ANKUB1: variants seen among roughly 807,000 people sequenced by gnomAD.
ANKUB1 encodes ankyrin repeat and ubiquitin domain containing 1.
A neutral mutation model predicts 49.3 loss-of-function variants in ANKUB1; 42 were observed. The observed-to-expected ratio is 0.85, with a 90% CI of 0.67 to 1.10. ANKUB1 has a LOEUF of 1.10. Ranked by LOEUF, ANKUB1 falls within the 50% of genes least tolerant of loss-of-function variation. The probability of loss-of-function intolerance (pLI) is 0.00; values close to 1 mark genes in which losing one functional copy is unlikely to be tolerated. For missense variants in ANKUB1, 613 were observed against 642.0 expected (o/e 0.95, Z 0.49); for synonymous variants, 222 against 231.0 (o/e 0.96, Z 0.35).
At chr3:149,763,533 G>A (rs1716862569) in intron 5 of ANKUB1, among the ~76,000 whole-genome samples, 1 of 152,152 alleles carries the variant, frequency 6.6e-6, no homozygotes, top group Non-Finnish European at 1.5e-5. Flanking sequence ...CAAGAGCCCA[G>A]CAAAGCTCAT....
chr3:149,783,424 C>T (rs1277354947), intron 2 of ANKUB1: 1 of 152,134 alleles, frequency 6.6e-6, no homozygotes. Context: ...AACAAACCAA[C>T]CCAAGAGATA....
rs1480208432 is a variant in ANKUB1 at position 149,792,377 on chromosome 3, C to T, written c.-11G>A. On this transcript the variant is annotated 5_prime_UTR_variant, in exon 1 of 6. Transcript: ENST00000446160. ...GATGAAAATCCTCATTGTACAATTA[C>T]CTTTTCAAACAAAAAATATCCAACT... 7 of 1,457,798 alleles carry T rather than the reference C, an allele frequency of 4.8e-6. No individual in the cohort carries two copies. In the South Asian group the frequency reaches 5.6e-5, roughly 12 times the overall value. The allele number at this position is 1,457,798 out of a possible 1,614,324, so 90.3% of individuals were successfully genotyped here.
intron 5 of ANKUB1, among the ~76,000 whole-genome samples, chr3:149,765,823 T>C (rs886950832): frequency 6.6e-6 from 1 of 152,218 alleles, no homozygotes; most frequent in Non-Finnish European, 1.5e-5. Flanking sequence ...GTCAGAGATA[T>C]CTCACAAATT....
chr3:149,788,442 A>G (rs551974818), intron 2 of ANKUB1, among the ~76,000 whole-genome samples: 1 of 150,984 alleles, frequency 6.6e-6, no homozygotes, highest in Admixed American at 6.6e-5. Flanking sequence ...GGTTCAATTG[A>G]TCCTCCCGCC....
chr3:149,771,853 C>T (rs1717378482), intron 3 of ANKUB1, among the ~76,000 whole-genome samples: 1 of 152,096 alleles, frequency 6.6e-6, no homozygotes, highest in Non-Finnish European at 1.5e-5. Context: ...CCAGACTCCC[C>T]CTGCTGGCGA....
chr3:149,769,084 G>T (rs1364344492), intron 4 of ANKUB1, among the ~76,000 whole-genome samples: 2 of 152,094 alleles, frequency 1.3e-5, no homozygotes, highest in African/African-American at 2.4e-5. Context: ...TAAAATATTA[G>T]AATATTTTAT....
chr3:149,764,467 A>G (rs1176304912), intron 5 of ANKUB1, among the ~76,000 whole-genome samples: 1 of 150,818 alleles, frequency 6.6e-6, no homozygotes, highest in East Asian at 1.9e-4. Context: ...AGGATTTGCT[A>G]GGAGTAACAC....
intron 2 of ANKUB1, chr3:149,783,616 T>C (rs1428306735): frequency 6.6e-6 from 1 of 152,258 alleles, no homozygotes; most frequent in Non-Finnish European, 1.5e-5. Flanking sequence ...AAGTTTTGAA[T>C]GTACTGCTGT....
chr3:149,776,174 A>G lies in ANKUB1; in HGVS notation c.451+4065T>C, dbSNP rs552826457. Among the ~76,000 whole-genome samples, 3 of 152,238 alleles carry G rather than the reference A, an allele frequency of 2.0e-5. No individual in the cohort carries two copies. In the South Asian group the frequency reaches 6.2e-4, roughly 32 times the overall value. On this transcript the variant is annotated intron_variant, in intron 3 of 5. Transcript: ENST00000446160. ...TTTAAAGCAAATCCAAAGCTTTTTT[A>G]TCTCAGAATTGTCTTTGGACTTTTA...
chr3:149,773,079 G>T (rs1168872302), intron 3 of ANKUB1, among the ~76,000 whole-genome samples: 3 of 152,178 alleles, frequency 2.0e-5, no homozygotes, highest in African/African-American at 7.2e-5. Flanking sequence ...GAATTCCCTG[G>T]AATGTGTCTT....
At chr3:149,780,571 C>T in intron 2 of ANKUB1, 116 bp from the exon 3 acceptor site, 1 of 739,044 alleles carries the variant, frequency 1.4e-6, no homozygotes, top group Non-Finnish European at 2.3e-6. Context: ...AATGTGAAAG[C>T]AATAGTCAGT....
At position 149,768,224 on chromosome 3, in the gene ANKUB1, T is replaced by C. The variant is rs1717159178; in HGVS notation, c.567-129A>G. On this transcript the variant is annotated intron_variant, in intron 4 of 5. Coordinates refer to ENST00000446160, the MANE Select transcript of ANKUB1 (RefSeq NM_001144960.3). ...TCTTCTTAACTTTTACCTTAAAATATTTTTAGAAAAGGCATATAGTGACAT... is the reference window on the plus strand; with the variant it reads ...TCTTCTTAACTTTTACCTTAAAATACTTTTAGAAAAGGCATATAGTGACAT... 4.0e-6 allele frequency: 3 copies of C among 753,182 alleles called. No homozygotes were observed. The African/African-American group carries it at 5.3e-5, about 13-fold the overall frequency. The allele number at this position is 753,182 out of a possible 1,614,324, so 46.7% of individuals were successfully genotyped here.
intron 5 of ANKUB1, among the ~76,000 whole-genome samples, chr3:149,762,837 A>G (rs1716836982): frequency 6.6e-6 from 1 of 152,182 alleles, no homozygotes; most frequent in African/African-American, 2.4e-5. Flanking sequence ...ATCTCCAGCC[A>G]GTTCTTCCTT....
At chr3:149,762,293 C>A (rs745372629) in intron 5 of ANKUB1, among the ~76,000 whole-genome samples, 5 of 152,168 alleles carry the variant, frequency 3.3e-5, no homozygotes, top group Non-Finnish European at 1.5e-5. Context: ...GGCATATCTC[C>A]AATTAACAAA....
chr3:149,790,998 T>C, intron 1 of ANKUB1, 74 bp from the exon 2 acceptor site: 1 of 1,384,590 alleles, frequency 7.2e-7, no homozygotes, highest in East Asian at 2.6e-5. Flanking sequence ...TCTCTTTCCC[T>C]TTACATTTTT....
At chr3:149,778,630 G>A (rs971468732) in intron 3 of ANKUB1, 1 of 152,092 alleles carries the variant, frequency 6.6e-6, no homozygotes, top group African/African-American at 2.4e-5. Flanking sequence ...TCTAGGCAGG[G>A]TTCAGCCTCC....
At chr3:149,767,080 GCATTATGGAC>G in intron 5 of ANKUB1, 67 bp downstream of exon 5, 1 of 1,316,092 alleles carries the variant, frequency 7.6e-7, no homozygotes, top group South Asian at 1.5e-5. Context: ...GCATAGTAGG[GCATTATGGAC>G]CATTCCTTAT....
chr3:149,772,338 T>A (rs1038057617), intron 3 of ANKUB1, among the ~76,000 whole-genome samples: 5 of 152,190 alleles, frequency 3.3e-5, no homozygotes, highest in Non-Finnish European at 7.4e-5. Context: ...CATTTTTTCA[T>A]GTCCTACATC....
chr3:149,768,226 T>G, intron 4 of ANKUB1, 131 bp from the exon 5 acceptor site: 3 of 715,780 alleles, frequency 4.2e-6, no homozygotes, highest in Non-Finnish European at 6.2e-6. Flanking sequence ...TTAAAATATT[T>G]TTAGAAAAGG....
Sources: gnomAD v4.1 joint callset for allele counts (sites outside exome capture counted in the v4.1 genomes callset) on GRCh38, gnomAD v4.1.1 for gene constraint, MANE v1.5 for transcripts, NCBI Gene and HGNC (gene_info 2026-07-23, HGNC 2026-07-21) for gene names.